ARHGAP42: variants seen among roughly 807,000 people sequenced by gnomAD.
The protein encoded by ARHGAP42 is Rho GTPase activating protein 42.
In ARHGAP42, 63 loss-of-function variants were observed where a neutral mutation model predicts 125.0. That is an observed-to-expected ratio of 0.50 (90% confidence interval 0.41 to 0.62). The LOEUF (loss-of-function observed/expected upper bound fraction) is 0.62, where lower values mean the gene tolerates loss of function less well. Among genes scored for constraint, ARHGAP42 ranks in the 20% least tolerant of loss-of-function variants. The probability of loss-of-function intolerance (pLI) is 0.00; values close to 1 mark genes in which losing one functional copy is unlikely to be tolerated. For missense variants in ARHGAP42, 766 were observed against 1,024.2 expected, an observed-to-expected ratio of 0.75 and a Z score of 3.44; for synonymous variants, 339 against 351.0, an observed-to-expected ratio of 0.97 and a Z score of 0.38.
intron 3 of ARHGAP42, among the ~76,000 whole-genome samples, chr11:100,848,189 G>C (rs1235735600): frequency 6.6e-6 from 1 of 152,044 alleles, no homozygotes; most frequent in Non-Finnish European, 1.5e-5. Context: ...AATTTTGATG[G>C]TTGTAACATA....
intron 1 of ARHGAP42, among the ~76,000 whole-genome samples, chr11:100,740,104 T>C (rs1384894254): frequency 6.6e-6 from 1 of 151,948 alleles, no homozygotes; most frequent in Non-Finnish European, 1.5e-5. Context: ...TCACTAAAGC[T>C]TGCCTGTGTA....
intron 1 of ARHGAP42, among the ~76,000 whole-genome samples, chr11:100,716,537 TG>T (rs1861663592): frequency 6.6e-6 from 1 of 152,218 alleles, no homozygotes; most frequent in Non-Finnish European, 1.5e-5. Flanking sequence ...GTTCTTTCTC[TG>T]GACTCACTTG....
intron 8 of ARHGAP42, among the ~76,000 whole-genome samples, chr11:100,938,955 CTTAT>C (rs1269854491): frequency 6.8e-6 from 1 of 148,064 alleles, no homozygotes; most frequent in Non-Finnish European, 1.5e-5. Context: ...GTAAGACACA[CTTAT>C]ACAATTAGCA....
chr11:100,902,615 G>A lies in ARHGAP42; in HGVS notation c.385-10837G>A, dbSNP rs116589607. On this transcript the variant is annotated intron_variant, in intron 4 of 23. Transcript: ENST00000298815. ...CAGGGCTCTTTGGTCTTGCTCAGGA[G>A]TATCTGAGTATCCTGATACTCAGAT... Among the ~76,000 whole-genome samples the A allele has an allele frequency of 3.9e-3, 593 of 152,224 alleles. 3 individuals carry two copies. Among genetic ancestry groups the A allele is most frequent in the African/African-American group, 0.014 (567 of 41,534 alleles).
intron 3 of ARHGAP42, among the ~76,000 whole-genome samples, chr11:100,856,636 T>A (rs549152359): frequency 1.7e-3 from 266 of 152,194 alleles, no homozygotes; most frequent in African/African-American, 6.1e-3. Context: ...TATGGAAAAA[T>A]GTAGGGTTAT....
At chr11:100,756,222 C>CAAAA (rs56164175) in intron 1 of ARHGAP42, among the ~76,000 whole-genome samples, 4 of 47,928 alleles carry the variant, frequency 8.3e-5, no homozygotes, top group Non-Finnish European at 1.1e-4. Context: ...CTTGTCTCTA[C>CAAAA]AAAAAAAAAA....
At chr11:100,734,132 A>C (rs1862015370) in intron 1 of ARHGAP42, among the ~76,000 whole-genome samples, 1 of 148,744 alleles carries the variant, frequency 6.7e-6, no homozygotes. Context: ...ATGGGGTTTC[A>C]CTGTGTTGGC....
chr11:100,712,088 C>T (rs1054989740), intron 1 of ARHGAP42, among the ~76,000 whole-genome samples: 1 of 152,132 alleles, frequency 6.6e-6, no homozygotes, highest in African/African-American at 2.4e-5. Context: ...TATTGATTGC[C>T]TACCCAGCTC....
rs1478802015 is a variant in ARHGAP42, at chr11:100,976,220, A to G, written c.2019A>G (p.Gly673=). Reference sequence around the variant, plus strand: ...TTGCAACCCCATCATCTTCCAATGGACAGAAAAGCCTTGGTCTGTGGACAA... The same window carrying G: ...TTGCAACCCCATCATCTTCCAATGGGCAGAAAAGCCTTGGTCTGTGGACAA... ...PWIATPSSSN[G]QKSLGLWTTS... is the part of the protein sequence containing the mutation. Residue 673 remains glycine (G), a synonymous_variant, in exon 20 of 24, where the codon GGA becomes GGG. Coordinates refer to ENST00000298815, the MANE Select transcript of ARHGAP42 (RefSeq NM_152432.4). The G allele has an allele frequency of 6.4e-7, 1 of 1,551,538 alleles. No homozygotes were observed. The highest frequency in any genetic ancestry group is 8.7e-7 in the Non-Finnish European group (1 of 1,146,912).
At position 100,812,685 on chromosome 11, in the gene ARHGAP42, C is replaced by T. The variant is rs950173038; in HGVS notation, c.312+17519C>T. On this transcript the variant is annotated intron_variant, in intron 3 of 23. Coordinates refer to ENST00000298815, the MANE Select transcript of ARHGAP42 (RefSeq NM_152432.4). ...GGTTGCCCAGACAGCTTTACAGCAG[C>T]AAGTACAAAGGTCCTGAGGCTGGAA... Among the ~76,000 whole-genome samples the T allele has an allele frequency of 2.0e-5, 3 of 152,238 alleles. No homozygotes were observed. The East Asian group carries it at 5.8e-4, about 29-fold the overall frequency.
chr11:100,719,112 C>G (rs1861714647), intron 1 of ARHGAP42, among the ~76,000 whole-genome samples: 1 of 152,146 alleles, frequency 6.6e-6, no homozygotes, highest in Admixed American at 6.5e-5. Flanking sequence ...AATTGAAAAA[C>G]TTAGAATAAG....
At chr11:100,841,180 C>T (rs946558180) in intron 3 of ARHGAP42, among the ~76,000 whole-genome samples, 1 of 152,146 alleles carries the variant, frequency 6.6e-6, no homozygotes, top group Admixed American at 6.6e-5. Context: ...GTACAAAAAT[C>T]CTTTCTTTCA....
At chr11:100,688,417 G>T (rs1378983238) in intron 1 of ARHGAP42, among the ~76,000 whole-genome samples, 1 of 152,216 alleles carries the variant, frequency 6.6e-6, no homozygotes, top group Non-Finnish European at 1.5e-5. Context: ...GTTTTGGTTT[G>T]CATTGTGTGG....
At chr11:100,770,309 C>T in intron 1 of ARHGAP42, 34 bp from the exon 2 acceptor site, 1 of 1,423,000 alleles carries the variant, frequency 7.0e-7, no homozygotes, top group South Asian at 1.3e-5. Context: ...TGGAACCTCA[C>T]CTTATGGATT....
intron 2 of ARHGAP42, among the ~76,000 whole-genome samples, chr11:100,775,518 C>T (rs927241851): frequency 1.2e-4 from 19 of 152,128 alleles, no homozygotes; most frequent in African/African-American, 4.6e-4. Flanking sequence ...AGTTATTTGC[C>T]CAGCCTTAAA....
intron 5 of ARHGAP42, among the ~76,000 whole-genome samples, chr11:100,916,597 A>G (rs1000933496): frequency 2.6e-5 from 4 of 152,214 alleles, no homozygotes; most frequent in African/African-American, 9.6e-5. Context: ...GTGAAGGTAT[A>G]GGAAATTGGG....
At chr11:100,979,187 G>A (rs1858468400) in intron 22 of ARHGAP42, 138 bp downstream of exon 22, 1 of 770,684 alleles carries the variant, frequency 1.3e-6, no homozygotes, top group African/African-American at 1.7e-5. Flanking sequence ...CCCTTCACAG[G>A]AAGTCATGTC....
At chr11:100,689,201 T>C (rs972478016) in intron 1 of ARHGAP42, among the ~76,000 whole-genome samples, 1 of 152,230 alleles carries the variant, frequency 6.6e-6, no homozygotes, top group Non-Finnish European at 1.5e-5. Flanking sequence ...CTAATAATGG[T>C]ATTTACTGTG....
At chr11:100,808,982 A>G (rs935645935) in intron 3 of ARHGAP42, among the ~76,000 whole-genome samples, 3 of 152,152 alleles carry the variant, frequency 2.0e-5, no homozygotes, top group Admixed American at 6.5e-5. Context: ...CTCATTTGCA[A>G]GTCAAACAGG....
Sources: gnomAD v4.1 joint callset for allele counts (sites outside exome capture counted in the v4.1 genomes callset) on GRCh38, gnomAD v4.1.1 for gene constraint, MANE v1.5 for transcripts, NCBI Gene and HGNC (gene_info 2026-07-23, HGNC 2026-07-21) for gene names.